Variants in CELF2 observed in about 807,000 individuals in gnomAD.
The protein encoded by CELF2 is CUG triplet repeat RNA-binding protein 2.
CELF2 carries 8 observed loss-of-function variants against 62.6 expected under a neutral mutation model. The observed-to-expected ratio is 0.13, with a 90% CI of 0.07 to 0.23. The LOEUF is 0.23. CELF2 is among the 10% of genes least tolerant of loss of function. The pLI is 1.00. For missense variants in CELF2, 333 were observed against 671.0 expected (o/e 0.50, Z 5.56); for synonymous variants, 258 against 250.0 (o/e 1.03, Z -0.30).
chr10:10,866,341 A>G (rs539108733), intron 1 of CELF2, among the ~76,000 whole-genome samples: 2 of 142,542 alleles, frequency 1.4e-5, no homozygotes, highest in Non-Finnish European at 3.0e-5. Flanking sequence ...GCCAGGTGTG[A>G]TGACTCATGC....
chr10:10,657,297 G>T, the CELF2 span, among the ~76,000 whole-genome samples: 1 of 152,108 alleles, frequency 6.6e-6, no homozygotes, highest in African/African-American at 2.4e-5. Context: ...CTGGGTGCTT[G>T]TTTTCTTTTT....
chr10:10,559,758 A>G, the CELF2 span, among the ~76,000 whole-genome samples: 1 of 152,296 alleles, frequency 6.6e-6, no homozygotes, highest in East Asian at 1.9e-4. Context: ...TAACAAGAAA[A>G]TGAGCAAAGC....
intron 2 of CELF2, among the ~76,000 whole-genome samples, chr10:10,992,018 A>C (rs2053494679): frequency 1.3e-5 from 2 of 152,200 alleles, no homozygotes; most frequent in African/African-American, 2.4e-5. Flanking sequence ...CTTAATAGGC[A>C]TTGGGAAATA....
intron 3 of CELF2, among the ~76,000 whole-genome samples, chr10:11,230,638 T>A (rs60149122): frequency 6.6e-6 from 1 of 152,068 alleles, no homozygotes; most frequent in African/African-American, 2.4e-5. Flanking sequence ...GACATGCTGG[T>A]TTTTCCAGCA....
intron 1 of CELF2, among the ~76,000 whole-genome samples, chr10:11,162,013 G>C (rs2065836488): frequency 6.6e-6 from 1 of 152,228 alleles, no homozygotes; most frequent in African/African-American, 2.4e-5. Flanking sequence ...AGAGAGTTGG[G>C]AGTCCAGAGC....
intron 1 of CELF2, among the ~76,000 whole-genome samples, chr10:11,101,860 T>C (rs11256978): frequency 0.13 from 19,219 of 152,242 alleles, 2,166 homozygotes; most frequent in African/African-American, 0.31. Flanking sequence ...TCTGTACTTT[T>C]GTTGACAATT....
At chr10:11,154,185 T>A (rs1383272019) in intron 1 of CELF2, among the ~76,000 whole-genome samples, 1 of 152,222 alleles carries the variant, frequency 6.6e-6, no homozygotes, top group Non-Finnish European at 1.5e-5. Context: ...TACTTTTATT[T>A]GTTTAGGGGG....
chr10:10,645,668 T>G, the CELF2 span, among the ~76,000 whole-genome samples: 1 of 152,042 alleles, frequency 6.6e-6, no homozygotes, highest in African/African-American at 2.4e-5. Context: ...AAATAAAAAA[T>G]AAATTTGCTT....
chr10:10,883,156 A>G (rs566829480), intron 1 of CELF2, among the ~76,000 whole-genome samples: 11 of 152,372 alleles, frequency 7.2e-5, no homozygotes, highest in East Asian at 1.9e-4. Context: ...AGACCCATGT[A>G]TATCCATTTT....
intron 1 of CELF2, among the ~76,000 whole-genome samples, chr10:11,025,347 G>A (rs894425017): frequency 1.3e-5 from 2 of 151,986 alleles, no homozygotes; most frequent in Non-Finnish European, 2.9e-5. Flanking sequence ...TAGTCCCCAC[G>A]TGTCAAGGGA....
At chr10:10,521,534 C>T in the CELF2 span, among the ~76,000 whole-genome samples, 6 of 152,170 alleles carry the variant, frequency 3.9e-5, no homozygotes, top group Non-Finnish European at 7.4e-5. Context: ...ACTTTTAATG[C>T]ATTTTTAATT....
At chr10:11,136,288 G>A (rs551700806) in intron 1 of CELF2, among the ~76,000 whole-genome samples, 2 of 152,278 alleles carry the variant, frequency 1.3e-5, no homozygotes, top group East Asian at 3.9e-4. Flanking sequence ...CTTATATTCT[G>A]GCTGGGAAAA....
chr10:10,555,879 A>G, the CELF2 span, among the ~76,000 whole-genome samples: 1 of 152,114 alleles, frequency 6.6e-6, no homozygotes. Context: ...CCCAGGCCCT[A>G]ATTGTTTCTG....
At position 11,211,811 on chromosome 10, in the gene CELF2, A is replaced by AGTGTGC. The variant is rs781275493; in HGVS notation, c.272-5613_272-5612insTGTGCG. Among the ~76,000 whole-genome samples the AGTGTGC allele has an allele frequency of 1.8e-5, 1 of 56,044 alleles. No individual in the cohort carries two copies. Among genetic ancestry groups the AGTGTGC allele is most frequent in the African/African-American group, 7.4e-5 (1 of 13,482 alleles). 36.8% of individuals were successfully genotyped at this position (56,044 alleles called of 152,430 possible). A position where few individuals can be genotyped will look rare whatever the true frequency, so the allele number is the denominator to read the frequency against. On this transcript the variant is annotated intron_variant, in intron 2 of 12. Coordinates refer to ENST00000633077, the MANE Select transcript of CELF2 (RefSeq NM_001326342.2). This position sits in a 1 kb window ranked among gnomAD's most constrained non-coding sequence, Gnocchi z 4.8. ...GTGTGTGAGAGAGAGAGAGAGAGAG[A>AGTGTGC]GAGTGTGTGTGTGTGTGTGTGTGTG...
rs1177829966 is a variant in CELF2 at position 11,300,482 on chromosome 10, T to TCA, written c.976+11934_976+11935dup. Among the ~76,000 whole-genome samples the TCA allele has an allele frequency of 2.6e-5, 4 of 152,244 alleles. No individual in the cohort carries two copies. In the East Asian group the frequency reaches 7.7e-4, roughly 29 times the overall value. On this transcript the variant is annotated intron_variant, in intron 9 of 12. Coordinates refer to ENST00000633077, the MANE Select transcript of CELF2 (RefSeq NM_001326342.2). This position sits in a 1 kb window ranked among gnomAD's most constrained non-coding sequence, Gnocchi z 5.5. Reference sequence around the variant, plus strand: ...CCTCTTCCAGGCTGGGAGTGTGAGGTCACACCTCACCACTGCAGCGCCCAG... The same window carrying TCA: ...CCTCTTCCAGGCTGGGAGTGTGAGGTCACACACCTCACCACTGCAGCGCCCAG...
intron 1 of CELF2, among the ~76,000 whole-genome samples, chr10:10,864,630 C>G (rs749366208): frequency 6.6e-6 from 1 of 152,180 alleles, no homozygotes; most frequent in African/African-American, 2.4e-5. Context: ...GCTCAGGTCT[C>G]TCTTCTTATA....
chr10:10,960,134 C>T (rs552858703), intron 2 of CELF2: 8 of 152,286 alleles, frequency 5.3e-5, no homozygotes, highest in Non-Finnish European at 1.0e-4. Context: ...TCCCTGGGGA[C>T]ACTGGAACTC....
intron 2 of CELF2, among the ~76,000 whole-genome samples, chr10:11,205,654 T>G (rs868536473): frequency 5.5e-4 from 84 of 152,174 alleles, no homozygotes; most frequent in African/African-American, 1.9e-3. Flanking sequence ...GAGAAGACTA[T>G]CCAGCATCAC....
At position 11,117,060 on chromosome 10, in the gene CELF2, C is replaced by T. The variant is rs1747712; in HGVS notation, c.75-48426C>T. ...GGCAGAACTTTCACGTGAACCTGAG[C>T]GGTCTGGCTTCAGAATCCACACTCA... On this transcript the variant is annotated intron_variant, in intron 1 of 12. Transcript: ENST00000633077. This position sits in a 1 kb window ranked among gnomAD's most constrained non-coding sequence, Gnocchi z 4.1. Among the ~76,000 whole-genome samples the T allele has an allele frequency of 0.43, 65,797 of 151,980 alleles. 14,895 individuals carry two copies. The highest frequency in any genetic ancestry group is 0.72 in the East Asian group (3,705 of 5,164).
Sources: gnomAD v4.1 joint callset for allele counts (sites outside exome capture counted in the v4.1 genomes callset) on GRCh38, gnomAD v4.1.1 for gene constraint, Gnocchi (gnomAD v3.1) non-coding constraint, MANE v1.5 for transcripts, NCBI Gene and HGNC (gene_info 2026-07-23, HGNC 2026-07-21) for gene names.